The following SENP7 variants were observed in gnomAD, a reference collection of about 807,000 sequenced individuals.
The protein encoded by SENP7 is sentrin-specific protease 7.
A neutral mutation model predicts 141.2 loss-of-function variants in SENP7; 64 were observed. That is an observed-to-expected ratio of 0.45 (90% CI 0.37 to 0.56). SENP7 has a LOEUF of 0.56. Ranked by LOEUF, SENP7 falls within the 20% of genes least tolerant of loss-of-function variation. The pLI, the probability that SENP7 is intolerant of heterozygous loss-of-function variation, is 0.00. For missense variants in SENP7, 1,025 were observed against 1,212.2 expected (o/e 0.85, Z 2.29); for synonymous variants, 382 against 426.4 (o/e 0.90, Z 1.28).
chr3:101,328,395 T>G, intron 22 of SENP7, 83 bp downstream of exon 22: 1 of 882,104 alleles, frequency 1.1e-6, no homozygotes, highest in East Asian at 2.4e-5. Flanking sequence ...CCTGATATAG[T>G]CTTTTCAATA....
At chr3:101,336,798 C>G (rs1046976806) in intron 17 of SENP7, among the ~76,000 whole-genome samples, 1 of 152,104 alleles carries the variant, frequency 6.6e-6, no homozygotes, top group Non-Finnish European at 1.5e-5. Flanking sequence ...TCCTTTTTGC[C>G]TATCCCTAGC....
At chr3:101,482,710 T>C (rs956793831) in intron 3 of SENP7, among the ~76,000 whole-genome samples, 7 of 152,112 alleles carry the variant, frequency 4.6e-5, no homozygotes, top group Non-Finnish European at 1.0e-4. Context: ...AAAGAATATT[T>C]TTTTATTTTT....
chr3:101,498,163 A>G (rs1226458327), intron 2 of SENP7, among the ~76,000 whole-genome samples: 2 of 152,238 alleles, frequency 1.3e-5, no homozygotes, highest in African/African-American at 4.8e-5. Context: ...CCAAAATACC[A>G]CATATATAAA....
intron 4 of SENP7, among the ~76,000 whole-genome samples, chr3:101,426,933 A>C (rs1490282389): frequency 3.9e-5 from 6 of 152,222 alleles, no homozygotes; most frequent in African/African-American, 1.4e-4. Flanking sequence ...GACCAGTGAC[A>C]CCATAAAGCA....
intron 4 of SENP7, among the ~76,000 whole-genome samples, chr3:101,445,350 A>C (rs900578147): frequency 3.9e-5 from 6 of 152,212 alleles, no homozygotes; most frequent in Non-Finnish European, 7.3e-5. Flanking sequence ...ATACATCTAG[A>C]AGCAAAAAGT....
intron 3 of SENP7, among the ~76,000 whole-genome samples, chr3:101,478,715 C>T (rs1339183011): frequency 2.0e-5 from 3 of 152,076 alleles, no homozygotes; most frequent in Non-Finnish European, 2.9e-5. Flanking sequence ...TACCCTTATA[C>T]CAAAAGAAGA....
At chr3:101,396,929 C>T (rs544119153) in intron 6 of SENP7, among the ~76,000 whole-genome samples, 62 of 152,286 alleles carry the variant, frequency 4.1e-4, no homozygotes, top group African/African-American at 1.5e-3. Context: ...CTGCAACCTC[C>T]ACCTCCTGGG....
At chr3:101,330,205 CAA>C (rs1292268814) in intron 20 of SENP7, 127 bp downstream of exon 20, 30 of 563,726 alleles carry the variant, frequency 5.3e-5, no homozygotes, top group Non-Finnish European at 8.7e-5. Flanking sequence ...CAAAAACTGT[CAA>C]AGAATCACAA....
At chr3:101,466,313 G>A (rs1327463735) in intron 3 of SENP7, among the ~76,000 whole-genome samples, 2 of 152,218 alleles carry the variant, frequency 1.3e-5, no homozygotes, top group East Asian at 3.9e-4. Context: ...CTTCTACAAG[G>A]TATATCATAG....
chr3:101,377,956 G>C (rs574365675), intron 6 of SENP7, among the ~76,000 whole-genome samples: 1 of 152,268 alleles, frequency 6.6e-6, no homozygotes, highest in African/African-American at 2.4e-5. Flanking sequence ...TCACAGCTTG[G>C]TGATAACCTT....
Position 101,368,036 on chromosome 3 carries a change from T to A in SENP7, c.797-25A>T, listed in dbSNP as rs1216008475. ...TCTTAAAAAACAAATGAAGCATAAA[T>A]ATGGACAAAAAAGTATAGAGAGAAT... On this transcript the variant is annotated intron_variant, in intron 7 of 23. Transcript: ENST00000394095. 4.5e-6 allele frequency: 7 copies of A among 1,562,298 alleles called. No homozygotes were observed. The Admixed American group carries it at 5.6e-5, about 13-fold the overall frequency.
chr3:101,508,676 A>G (rs1473203649), intron 1 of SENP7, among the ~76,000 whole-genome samples: 4 of 151,994 alleles, frequency 2.6e-5, no homozygotes, highest in African/African-American at 9.7e-5. Flanking sequence ...TCAAATGCAA[A>G]CCTTTCATTC....
At chr3:101,388,949 A>G (rs2060735004) in intron 6 of SENP7, among the ~76,000 whole-genome samples, 5 of 152,082 alleles carry the variant, frequency 3.3e-5, no homozygotes. Context: ...CACATAAAAA[A>G]AGAAAAAAAG....
intron 4 of SENP7, among the ~76,000 whole-genome samples, chr3:101,438,380 A>T (rs1199245399): frequency 6.6e-6 from 1 of 152,240 alleles, no homozygotes; most frequent in East Asian, 1.9e-4. Context: ...AAAATCATCA[A>T]AACAAACAGC....
chr3:101,380,896 A>G (rs2060483949), intron 6 of SENP7, among the ~76,000 whole-genome samples: 1 of 152,184 alleles, frequency 6.6e-6, no homozygotes, highest in Admixed American at 6.5e-5. Context: ...AAGTAGGTAG[A>G]TCTATTTTTA....
rs187719486 is a variant in SENP7, at chr3:101,421,729, A to G, written c.285-3939T>C. ...TCTGACTAAAAATATCCGGCAACAG[A>G]AGTCAGTAATCTTTTTCCCCCCAAA... On this transcript the variant is annotated intron_variant, in intron 4 of 23. Transcript: ENST00000394095. Among the ~76,000 whole-genome samples, 1,287 of 152,284 alleles carry G rather than the reference A, an allele frequency of 8.5e-3. 23 individuals carry two copies. Among genetic ancestry groups the G allele is most frequent in the African/African-American group, 0.03 (1,247 of 41,542 alleles).
chr3:101,439,989 A>G (rs2062589682), intron 4 of SENP7, among the ~76,000 whole-genome samples: 3 of 82,966 alleles, frequency 3.6e-5, no homozygotes, highest in Non-Finnish European at 8.5e-5. Context: ...CCCGTCTGGG[A>G]GGTGAGGGGC....
intron 5 of SENP7, among the ~76,000 whole-genome samples, chr3:101,404,835 A>T (rs1415265980): frequency 1.3e-5 from 2 of 152,196 alleles, no homozygotes; most frequent in South Asian, 2.1e-4. Context: ...GCACAACATC[A>T]CTGATCATTA....
rs1161754759 is a variant in SENP7, at chr3:101,327,794, C to G, written c.2887G>C (p.Val963Leu). 1.9e-6 allele frequency: 3 copies of G among 1,608,322 alleles called. No homozygotes were observed. The African/African-American group carries it at 4.0e-5, about 22-fold the overall frequency. The change falls in exon 23 of 24, where the codon GTT becomes CTT. Residue 963 changes from valine (V) to leucine (L), a missense_variant. Coordinates refer to ENST00000394095, the MANE Select transcript of SENP7 (RefSeq NM_020654.5). ...AATTGACGATGAGTTTTTAGTTTAA[C>G]TTCCCACTCTACCTCTAAATACCTG... ...LREYLEVEWE[V>L]KLKTHRQFSK...
Sources: gnomAD v4.1 joint callset for allele counts (sites outside exome capture counted in the v4.1 genomes callset) on GRCh38, gnomAD v4.1.1 for gene constraint, MANE v1.5 for transcripts, NCBI Gene and HGNC (gene_info 2026-07-23, HGNC 2026-07-21) for gene names.